AUH: variants seen among roughly 807,000 people sequenced by gnomAD.
AUH encodes methylglutaconyl-CoA hydratase, mitochondrial.
In AUH, 29 loss-of-function variants were observed where a neutral mutation model predicts 42.3. The observed-to-expected ratio is 0.69, with a 90% CI of 0.51 to 0.93. The LOEUF is 0.93. Among genes scored for constraint, AUH ranks in the 40% least tolerant of loss-of-function variants. The pLI, the probability that AUH is intolerant of heterozygous loss-of-function variation, is 0.00. For synonymous variants in AUH, 174 were observed against 166.4 expected (o/e 1.05, Z -0.35); for missense variants, 452 against 438.1 (o/e 1.03, Z -0.28).
intron 6 of AUH, among the ~76,000 whole-genome samples, chr9:91,250,454 C>T (rs1465881714): frequency 6.6e-6 from 1 of 152,218 alleles, no homozygotes; most frequent in East Asian, 1.9e-4. Flanking sequence ...GAACTTGCCC[C>T]TTGCCTTTTC....
At chr9:91,350,660 G>C (rs887278847) in intron 3 of AUH, among the ~76,000 whole-genome samples, 6 of 151,864 alleles carry the variant, frequency 4.0e-5, no homozygotes, top group Admixed American at 3.9e-4. Context: ...TCGGGAGGCT[G>C]AGGCAGGAGA....
intron 6 of AUH, among the ~76,000 whole-genome samples, chr9:91,247,727 CTCA>C (rs970322785): frequency 6.6e-6 from 1 of 152,180 alleles, no homozygotes; most frequent in African/African-American, 2.4e-5. Flanking sequence ...TCAGTATTGT[CTCA>C]TCGTGGTTTT....
chr9:91,268,253 T>C (rs1830082706), intron 6 of AUH, among the ~76,000 whole-genome samples: 1 of 152,214 alleles, frequency 6.6e-6, no homozygotes, highest in South Asian at 2.1e-4. Flanking sequence ...TCAGCAGTAT[T>C]CCATAGGTCT....
intron 6 of AUH, among the ~76,000 whole-genome samples, chr9:91,272,973 C>G (rs1825268274): frequency 6.6e-6 from 1 of 152,158 alleles, no homozygotes; most frequent in Non-Finnish European, 1.5e-5. Flanking sequence ...TTTAGGAGAA[C>G]AGAACAATAC....
intron 4 of AUH, among the ~76,000 whole-genome samples, chr9:91,323,822 A>C (rs1829773323): frequency 6.6e-6 from 1 of 152,210 alleles, no homozygotes; most frequent in Non-Finnish European, 1.5e-5. Flanking sequence ...CCCAGAAAAT[A>C]CGAGCCATGC....
intron 3 of AUH, among the ~76,000 whole-genome samples, chr9:91,341,913 G>A (rs1017260033): frequency 3.3e-5 from 5 of 152,200 alleles, no homozygotes; most frequent in African/African-American, 1.2e-4. Context: ...TAGAGCAGAG[G>A]CCTTTCTGAA....
At chr9:91,303,170 T>A (rs1371927257) in intron 4 of AUH, among the ~76,000 whole-genome samples, 4 of 152,198 alleles carry the variant, frequency 2.6e-5, no homozygotes, top group Non-Finnish European at 5.9e-5. Flanking sequence ...CTGTAGGACC[T>A]GCAGCCTACG....
intron 6 of AUH, among the ~76,000 whole-genome samples, chr9:91,251,951 ATC>A (rs911286190): frequency 1.3e-5 from 2 of 151,618 alleles, no homozygotes; most frequent in Admixed American, 6.6e-5. Context: ...ATTTTTTTTA[ATC>A]TCTTTTTACT....
chr9:91,291,299 G>T (rs1432438813), intron 6 of AUH, among the ~76,000 whole-genome samples: 3 of 151,924 alleles, frequency 2.0e-5, no homozygotes, highest in Non-Finnish European at 4.4e-5. Flanking sequence ...GACATCTCTT[G>T]GTGTCTGTTG....
chr9:91,302,175 C>A (rs1053180087), intron 4 of AUH, among the ~76,000 whole-genome samples: 1 of 146,098 alleles, frequency 6.8e-6, no homozygotes, highest in Non-Finnish European at 1.5e-5. Flanking sequence ...ACTTAATAAT[C>A]AAAGAGGGGG....
intron 6 of AUH, among the ~76,000 whole-genome samples, chr9:91,239,129 C>T (rs551290264): frequency 6.6e-5 from 10 of 150,884 alleles, no homozygotes; most frequent in East Asian, 1.9e-4. Flanking sequence ...TAACATTTAA[C>T]GGTGGAAAAC....
intron 6 of AUH, among the ~76,000 whole-genome samples, chr9:91,239,360 C>T (rs899180934): frequency 6.6e-6 from 1 of 152,186 alleles, no homozygotes. Flanking sequence ...AATCTTCTCT[C>T]ATAAATAGAA....
At chr9:91,301,598 C>G (rs1827788318) in intron 4 of AUH, among the ~76,000 whole-genome samples, 1 of 152,044 alleles carries the variant, frequency 6.6e-6, no homozygotes, top group African/African-American at 2.4e-5. Flanking sequence ...ATTGTGTGCC[C>G]TTGAGAAGCT....
intron 4 of AUH, among the ~76,000 whole-genome samples, chr9:91,299,176 G>T (rs765787837): frequency 2.0e-5 from 3 of 152,162 alleles, no homozygotes; most frequent in Non-Finnish European, 4.4e-5. Context: ...CCAAGATCGT[G>T]CCATTGCACT....
At chr9:91,223,103 T>G (rs534009123) in intron 6 of AUH, among the ~76,000 whole-genome samples, 21 of 152,310 alleles carry the variant, frequency 1.4e-4, no homozygotes, top group African/African-American at 5.1e-4. Flanking sequence ...TTAAGCTGGA[T>G]GCATAACACA....
chr9:91,283,674 A>T (rs1256872359), intron 6 of AUH, among the ~76,000 whole-genome samples: 1 of 152,198 alleles, frequency 6.6e-6, no homozygotes. Flanking sequence ...AATAACAGAC[A>T]AACAGAGAGC....
At chr9:91,345,981 C>T (rs1222020415) in intron 3 of AUH, among the ~76,000 whole-genome samples, 1 of 151,774 alleles carries the variant, frequency 6.6e-6, no homozygotes, top group Non-Finnish European at 1.5e-5. Flanking sequence ...TGCAACAAAA[C>T]AAAAACCCCA....
At chr9:91,350,353 T>C (rs915252095) in intron 3 of AUH, among the ~76,000 whole-genome samples, 2 of 152,226 alleles carry the variant, frequency 1.3e-5, no homozygotes, top group South Asian at 2.1e-4. Flanking sequence ...GAGAAGTAGT[T>C]TCAGCTAAGC....
At chr9:91,216,157 G>T (rs766281702) in intron 8 of AUH, 51 bp from the exon 9 acceptor site, 1 of 1,530,210 alleles carries the variant, frequency 6.5e-7, no homozygotes, top group Non-Finnish European at 9.0e-7. Context: ...TGCGAAATGT[G>T]GTATATTCAA....
Sources: allele counts gnomAD v4.1 joint callset (sites outside exome capture counted in the v4.1 genomes callset), GRCh38; gene constraint gnomAD v4.1.1; transcripts MANE v1.5; gene names NCBI Gene and HGNC (gene_info 2026-07-23, HGNC 2026-07-21).